The following DOCK1 variants were observed in gnomAD, a reference collection of about 807,000 sequenced individuals.
The protein encoded by DOCK1 is dedicator of cytokinesis 1.
DOCK1 carries 138 observed loss-of-function variants against 262.7 expected under a neutral mutation model. The observed-to-expected ratio is 0.53, with a 90% CI of 0.46 to 0.61. The LOEUF is 0.61. DOCK1 is among the 20% of genes least tolerant of loss of function. DOCK1 has a pLI of 0.00. For synonymous variants in DOCK1, 866 were observed against 867.4 expected (o/e 1.00, Z 0.03); for missense variants, 1,908 against 2,370.7 (o/e 0.80, Z 4.05).
intron 38 of DOCK1, among the ~76,000 whole-genome samples, chr10:127,392,835 A>G (rs2066568314): frequency 6.6e-6 from 1 of 152,168 alleles, no homozygotes; most frequent in African/African-American, 2.4e-5. Context: ...TCCTTTCCCA[A>G]GGCTAACACT....
chr10:127,032,213 G>T lies in DOCK1; in HGVS notation c.1805G>T (p.Gly602Val), dbSNP rs1204626691. The T allele has an allele frequency of 1.3e-6, 2 of 1,599,866 alleles. No individual in the cohort carries two copies. The highest frequency in any genetic ancestry group is 3.4e-5 in the Admixed American group (2 of 57,984). The change falls in exon 18 of 52, where the codon GGC (glycine) becomes GTC (valine). Residue 602 changes from glycine (G) to valine (V), a missense_variant. Gly to Val is a moderately radical substitution (Grantham distance 109, BLOSUM62 -3). This residue lies in a region of DOCK1 where 294 missense variants were observed against 439.9 expected (regional missense o/e 0.67). Transcript: ENST00000623213. Reference sequence around the variant, plus strand: ...ACGAAGGCAGAGTTGGAAGAAAAGGGCCACTCGGCCACCGGCAAGAGCATG... The same window carrying T: ...ACGAAGGCAGAGTTGGAAGAAAAGGTCCACTCGGCCACCGGCAAGAGCATG... ...PSTKAELEEKGHSATGKSMQS... is the reference protein window; with the variant it reads ...PSTKAELEEKVHSATGKSMQS...
In DOCK1 at chr10:126,990,434, AT is replaced by A; in HGVS notation, c.325-19del. The A allele has an allele frequency of 6.3e-7, 1 of 1,585,778 alleles. No individual in the cohort carries two copies. The highest frequency in any genetic ancestry group is 8.6e-7 in the Non-Finnish European group (1 of 1,163,934). ...GCTGTTTTATAACAAAATCTTTCTGATTGGGTTTTTCCCCGTATAGCAAGAT... is the reference window on the plus strand; with the variant it reads ...GCTGTTTTATAACAAAATCTTTCTGATGGGTTTTTCCCCGTATAGCAAGAT... On this transcript the variant is annotated intron_variant, in intron 5 of 51. Transcript: ENST00000623213.
At chr10:127,422,824 C>T (rs548971086) in intron 46 of DOCK1, among the ~76,000 whole-genome samples, 1 of 152,118 alleles carries the variant, frequency 6.6e-6, no homozygotes, top group African/African-American at 2.4e-5. Flanking sequence ...TATTGCTATA[C>T]AAAAACTAGT....
At chr10:127,250,420 A>G (rs187129468) in intron 28 of DOCK1, among the ~76,000 whole-genome samples, 31 of 152,106 alleles carry the variant, frequency 2.0e-4, no homozygotes, top group African/African-American at 7.0e-4. Flanking sequence ...TGTGGTCCCA[A>G]TTTCCCAGGG....
At chr10:127,181,577 T>G (rs1177650816) in intron 27 of DOCK1, among the ~76,000 whole-genome samples, 1 of 152,180 alleles carries the variant, frequency 6.6e-6, no homozygotes, top group Admixed American at 6.6e-5. Context: ...TTATGGGTTT[T>G]CCTAGTGGCT....
intron 29 of DOCK1, among the ~76,000 whole-genome samples, chr10:127,294,923 T>C (rs1022807525): frequency 1.3e-5 from 2 of 152,188 alleles, no homozygotes; most frequent in African/African-American, 4.8e-5. Context: ...ATTACAGGCG[T>C]GAGCCACCAC....
rs140428652 is a variant in DOCK1, at chr10:126,911,071, A to C, written c.46+5508A>C. On this transcript the variant is annotated intron_variant, in intron 1 of 51. Transcript: ENST00000623213. ...TTCTGGGATAAATGCCCAGGAGTGC[A>C]GAGGCTGAGTCGTCTGGTAGTTGGA... Among the ~76,000 whole-genome samples, 1,297 of 152,334 alleles carry C rather than the reference A, an allele frequency of 8.5e-3. 6 individuals are homozygous for C. Among genetic ancestry groups the C allele is most frequent in the Middle Eastern group, 0.02 (6 of 294 alleles).
chr10:127,276,765 T>C (rs930607948), intron 29 of DOCK1, among the ~76,000 whole-genome samples: 5 of 137,892 alleles, frequency 3.6e-5, no homozygotes, highest in African/African-American at 1.3e-4. Flanking sequence ...CCAATTACTC[T>C]TTGGTCTCCA....
chr10:127,203,178 G>T (rs1420043849), intron 27 of DOCK1, among the ~76,000 whole-genome samples: 1 of 152,084 alleles, frequency 6.6e-6, no homozygotes, highest in East Asian at 1.9e-4. Context: ...CACAATATAC[G>T]TATCCCATCT....
intron 19 of DOCK1, among the ~76,000 whole-genome samples, chr10:127,040,440 T>C (rs1410669334): frequency 6.6e-6 from 1 of 152,206 alleles, no homozygotes; most frequent in Non-Finnish European, 1.5e-5. Context: ...ATGCTGGGCA[T>C]GCTGGGCGTC....
At position 127,016,784 on chromosome 10, in the gene DOCK1, G is replaced by A. The variant is rs199710603; in HGVS notation, c.1202-1926G>A. On this transcript the variant is annotated intron_variant, in intron 12 of 51. Transcript: ENST00000623213. ...ATAAACACCACAAACACAGACACACGCGCACACACACAGATACAGACACCA... is the reference window on the plus strand; with the variant it reads ...ATAAACACCACAAACACAGACACACACGCACACACACAGATACAGACACCA... 1.7e-4 allele frequency among the ~76,000 whole-genome samples: 11 copies of A among 65,800 alleles called. No individual in the cohort carries two copies. The East Asian group carries it at 4.0e-3, about 24-fold the overall frequency. 43.2% of individuals were successfully genotyped at this position (65,800 alleles called of 152,430 possible). A position where few individuals can be genotyped will look rare whatever the true frequency, so the allele number is the denominator to read the frequency against.
intron 29 of DOCK1, among the ~76,000 whole-genome samples, chr10:127,324,999 G>T (rs1020537689): frequency 1.3e-5 from 2 of 152,124 alleles, no homozygotes; most frequent in African/African-American, 2.4e-5. Flanking sequence ...TCAACACTGG[G>T]CTTCCTACAC....
intron 1 of DOCK1, among the ~76,000 whole-genome samples, chr10:126,913,720 C>A (rs998663468): frequency 3.9e-5 from 6 of 152,192 alleles, no homozygotes; most frequent in Admixed American, 2.0e-4. Flanking sequence ...GATGGTTTCA[C>A]CCCAGACAGA....
At chr10:127,067,831 T>A (rs2045966017) in intron 23 of DOCK1, among the ~76,000 whole-genome samples, 1 of 152,108 alleles carries the variant, frequency 6.6e-6, no homozygotes, top group Admixed American at 6.6e-5. Context: ...ATTTCTTCCA[T>A]TGTCGTGTAG....
At chr10:127,188,847 A>G (rs1468869081) in intron 27 of DOCK1, among the ~76,000 whole-genome samples, 1 of 152,212 alleles carries the variant, frequency 6.6e-6, no homozygotes. Flanking sequence ...AGAAATTACT[A>G]TTTGTAATAA....
intron 29 of DOCK1, among the ~76,000 whole-genome samples, chr10:127,321,125 T>C (rs2062500332): frequency 6.6e-6 from 1 of 152,110 alleles, no homozygotes; most frequent in Non-Finnish European, 1.5e-5. Flanking sequence ...AGTGCTCTTG[T>C]CCAGTAGCTT....
In DOCK1 at chr10:127,449,407, T is replaced by A. The variant is rs984185836; in HGVS notation, c.5565+1862T>A. Reference sequence around the variant, plus strand: ...AATTACAGCCAATTCCTCTTCTTGTTACAAATCAACTCCGGGGTAACATTT... The same window carrying A: ...AATTACAGCCAATTCCTCTTCTTGTAACAAATCAACTCCGGGGTAACATTT... On this transcript the variant is annotated intron_variant, in intron 51 of 51. Transcript: ENST00000623213. 2.6e-5 allele frequency among the ~76,000 whole-genome samples: 4 copies of A among 152,122 alleles called. No individual in the cohort carries two copies. In the East Asian group the frequency reaches 7.7e-4, roughly 29 times the overall value.
intron 27 of DOCK1, among the ~76,000 whole-genome samples, chr10:127,135,214 G>C (rs1423211708): frequency 6.6e-6 from 1 of 152,194 alleles, no homozygotes; most frequent in Non-Finnish European, 1.5e-5. Flanking sequence ...CTCCATGCCA[G>C]GGTGCATAGG....
At chr10:127,000,358 T>C (rs1303063645) in intron 10 of DOCK1, 51 bp downstream of exon 10, 11 of 1,593,834 alleles carry the variant, frequency 6.9e-6, no homozygotes, top group Admixed American at 5.3e-5. Context: ...TCACAGTCAC[T>C]TTCAAAAGAA....
Sources: allele counts gnomAD v4.1 joint callset (sites outside exome capture counted in the v4.1 genomes callset), GRCh38; gene constraint gnomAD v4.1.1; regional missense constraint gnomAD v4.1.1; transcripts MANE v1.5; gene names NCBI Gene and HGNC (gene_info 2026-07-23, HGNC 2026-07-21).